Variants in PTPRN2 observed in about 807,000 individuals in gnomAD.
The protein encoded by PTPRN2 is receptor-type tyrosine-protein phosphatase N2.
Under a neutral mutation model 118.8 loss-of-function variants are expected in PTPRN2, and 74 were observed. The ratio of observed to expected loss-of-function variants is 0.62; its 90% CI spans 0.52 to 0.76. The LOEUF (loss-of-function observed/expected upper bound fraction) is 0.76. Among genes scored for constraint, PTPRN2 ranks in the 30% least tolerant of loss-of-function variants. PTPRN2 has a pLI of 0.00. For synonymous variants in PTPRN2, 641 were observed against 608.0 expected, an observed-to-expected ratio of 1.05 and a Z score of -0.80; for missense variants, 1,481 against 1,394.4, an observed-to-expected ratio of 1.06 and a Z score of -0.99.
At chr7:158,041,641 C>T (rs1808481313) in intron 11 of PTPRN2, among the ~76,000 whole-genome samples, 1 of 151,948 alleles carries the variant, frequency 6.6e-6, no homozygotes, top group South Asian at 2.1e-4. Flanking sequence ...GAGAGAGGGA[C>T]TATGTCTCCA....
chr7:158,496,268 A>AG, intron 1 of PTPRN2, among the ~76,000 whole-genome samples: 1 of 51,804 alleles, frequency 1.9e-5, no homozygotes, highest in Non-Finnish European at 3.6e-5. Flanking sequence ...TCTTCCCTGC[A>AG]CCCCCTCCCC....
intron 1 of PTPRN2, among the ~76,000 whole-genome samples, chr7:158,578,857 G>C (rs1828485956): frequency 6.6e-6 from 1 of 152,044 alleles, no homozygotes; most frequent in Non-Finnish European, 1.5e-5. Flanking sequence ...CCATCTTCCA[G>C]GTTCAAGTGA....
In PTPRN2 at chr7:158,050,627, G is replaced by A. The variant is rs529160031; in HGVS notation, c.1723+30671C>T. Among the ~76,000 whole-genome samples the A allele has an allele frequency of 1.5e-3, 224 of 152,250 alleles. 1 individual carries two copies. Among genetic ancestry groups the A allele is most frequent in the African/African-American group, 5.1e-3 (210 of 41,546 alleles). ...CTCCCAGGTGCCAGGAGCACAGCTC[G>A]GGCCCCGCTCTCCCCCGTCACGCTG... On this transcript the variant is annotated intron_variant, in intron 11 of 22. Transcript: ENST00000389418.
intron 12 of PTPRN2, among the ~76,000 whole-genome samples, chr7:157,702,095 C>G (rs568934195): frequency 6.8e-6 from 1 of 146,726 alleles, no homozygotes. Context: ...AAAGCCTGGT[C>G]GGTCCTGGTG....
chr7:157,951,104 A>G (rs1585073786), intron 11 of PTPRN2, among the ~76,000 whole-genome samples: 1 of 152,078 alleles, frequency 6.6e-6, no homozygotes, highest in South Asian at 2.1e-4. Flanking sequence ...CAGGACCCCA[A>G]CCCAGGAAAC....
intron 12 of PTPRN2, among the ~76,000 whole-genome samples, chr7:157,752,003 C>T (rs76125724): frequency 4.6e-5 from 7 of 152,284 alleles, no homozygotes; most frequent in East Asian, 1.9e-4. Context: ...ACTCCCATTC[C>T]GATTTCTTGA....
intron 11 of PTPRN2, among the ~76,000 whole-genome samples, chr7:158,071,696 T>TGTG (rs1335829563): frequency 2.4e-5 from 1 of 40,964 alleles, no homozygotes; most frequent in African/African-American, 7.8e-5. Flanking sequence ...TGGAGGTGCT[T>TGTG]GTGGTGGAGG....
Position 157,671,337 on chromosome 7 carries a change from C to G in PTPRN2, c.2001+11388G>C, listed in dbSNP as rs1012180438. The stretch of plus-strand genomic sequence containing the variant: ...CATCCAACACAATGAGGAAGTCACC[C>G]TACACTGGAGGGATGGTGACGAGAC... On this transcript the variant is annotated intron_variant, in intron 13 of 22. Coordinates refer to ENST00000389418, the MANE Select transcript of PTPRN2 (RefSeq NM_002847.5). The surrounding 1 kb of genome is among the most constrained non-coding windows in gnomAD (Gnocchi z 4.1). Among the ~76,000 whole-genome samples, 3 of 152,286 alleles carry G rather than the reference C, an allele frequency of 2.0e-5. No homozygotes were observed. The highest frequency in any genetic ancestry group is 2.0e-4 in the Admixed American group (3 of 15,300).
intron 2 of PTPRN2, among the ~76,000 whole-genome samples, chr7:158,358,734 C>T (rs1038290309): frequency 6.6e-6 from 1 of 152,214 alleles, no homozygotes; most frequent in Non-Finnish European, 1.5e-5. Flanking sequence ...TGCACTGATA[C>T]GTGGCCCCCA....
At chr7:157,551,801 C>G (rs573782451) in intron 21 of PTPRN2, among the ~76,000 whole-genome samples, 1,736 of 144,280 alleles carry the variant, frequency 0.012, 50 homozygotes, top group African/African-American at 0.044. Flanking sequence ...CCCACAGCCA[C>G]CACGCACCCC....
intron 1 of PTPRN2, among the ~76,000 whole-genome samples, chr7:158,548,175 T>C (rs772896123): frequency 2.6e-5 from 4 of 152,208 alleles, no homozygotes; most frequent in Non-Finnish European, 4.4e-5. Context: ...GGACCAGCAC[T>C]GGAGGAGATC....
At chr7:158,176,034 G>A (rs73173675) in intron 5 of PTPRN2, among the ~76,000 whole-genome samples, 16,282 of 151,520 alleles carry the variant, frequency 0.11, 924 homozygotes, top group African/African-American at 0.16. Context: ...TCCGAGACTC[G>A]CAATGCCGTG....
At chr7:158,154,577 T>G (rs1167205512) in intron 6 of PTPRN2, among the ~76,000 whole-genome samples, 2 of 152,232 alleles carry the variant, frequency 1.3e-5, no homozygotes, top group Non-Finnish European at 2.9e-5. Context: ...TAAAACTTCA[T>G]GTTCTTTATG....
At chr7:158,136,235 G>A (rs1051809150) in intron 8 of PTPRN2, among the ~76,000 whole-genome samples, 1 of 152,210 alleles carries the variant, frequency 6.6e-6, no homozygotes, top group African/African-American at 2.4e-5. Flanking sequence ...TATAGGTTTA[G>A]ATGGCCACAT....
At chr7:158,304,482 G>T (rs1172880035) in intron 3 of PTPRN2, among the ~76,000 whole-genome samples, 2 of 148,336 alleles carry the variant, frequency 1.3e-5, no homozygotes, top group African/African-American at 4.9e-5. Context: ...CACAGGCTTG[G>T]ATTTCTACAT....
At chr7:158,326,686 TCA>T (rs563029048) in intron 2 of PTPRN2, among the ~76,000 whole-genome samples, 1,849 of 140,474 alleles carry the variant, frequency 0.013, 56 homozygotes, top group Non-Finnish European at 0.019. Flanking sequence ...ATGCACAGTC[TCA>T]CACATGCACA....
In PTPRN2 at chr7:157,674,521, C is replaced by G. The variant is rs911221469; in HGVS notation, c.2001+8204G>C. 2.0e-5 allele frequency among the ~76,000 whole-genome samples: 3 copies of G among 152,264 alleles called. No individual in the cohort carries two copies. Among genetic ancestry groups the G allele is most frequent in the Non-Finnish European group, 4.4e-5 (3 of 68,044 alleles). On this transcript the variant is annotated intron_variant, in intron 13 of 22. Transcript: ENST00000389418. The surrounding 1 kb of genome is among the most constrained non-coding windows in gnomAD (Gnocchi z 4.5). ...CATCATTCCTCATCCCACCACCCCG[C>G]GCAGCGTCTTGCCTCCTTTTATGCC...
rs74666165 is a variant in PTPRN2 at position 157,669,425 on chromosome 7, G to A, written c.2002-12874C>T. 3.7e-4 allele frequency: 157 copies of A among 421,862 alleles called. 1 individual carries two copies. The highest frequency in any genetic ancestry group is 6.6e-4 in the African/African-American group (32 of 48,554). The allele number at this position is 421,862 out of a possible 1,614,324, so 26.1% of individuals were successfully genotyped here. On this transcript the variant is annotated intron_variant, in intron 13 of 22. Coordinates refer to ENST00000389418, the MANE Select transcript of PTPRN2 (RefSeq NM_002847.5). ...ACAACCCACACACGTGTTTGCACGC[G>A]CACACACACACACACCCAGGGGAGG...
At chr7:158,257,096 T>C (rs994288584) in intron 3 of PTPRN2, among the ~76,000 whole-genome samples, 2 of 152,044 alleles carry the variant, frequency 1.3e-5, no homozygotes, top group Non-Finnish European at 2.9e-5. Context: ...TGGGTTGAAA[T>C]GGAGTTGAAT....
Sources: gnomAD v4.1 joint callset for allele counts (sites outside exome capture counted in the v4.1 genomes callset) on GRCh38, gnomAD v4.1.1 for gene constraint, Gnocchi (gnomAD v3.1) non-coding constraint, MANE v1.5 for transcripts, NCBI Gene and HGNC (gene_info 2026-07-23, HGNC 2026-07-21) for gene names.